CCDC13: variants seen among roughly 807,000 people sequenced by gnomAD.
The protein encoded by CCDC13 is coiled-coil domain-containing protein 13.
In CCDC13, 70 loss-of-function variants were observed where a neutral mutation model predicts 87.3. The ratio of observed to expected loss-of-function variants is 0.80; its 90% CI spans 0.66 to 0.98. The LOEUF (loss-of-function observed/expected upper bound fraction) is 0.98. CCDC13 is among the 50% of genes least tolerant of loss of function. CCDC13 has a pLI of 0.00. For missense variants in CCDC13, 842 were observed against 892.0 expected, an observed-to-expected ratio of 0.94 and a Z score of 0.71; for synonymous variants, 317 against 360.3, an observed-to-expected ratio of 0.88 and a Z score of 1.36.
At chr3:42,733,123 CTT>C (rs1378983423) in intron 11 of CCDC13, among the ~76,000 whole-genome samples, 153 bp from the exon 12 acceptor site, 2 of 152,268 alleles carry the variant, frequency 1.3e-5, no homozygotes, top group African/African-American at 2.4e-5. Context: ...TTCCAGAACT[CTT>C]GTTTGCTCAA....
intron 9 of CCDC13, among the ~76,000 whole-genome samples, chr3:42,737,077 C>T (rs1234771061): frequency 3.9e-5 from 6 of 152,038 alleles, no homozygotes; most frequent in Non-Finnish European, 7.4e-5. Context: ...CCCCACCCAC[C>T]GACAGGCCCT....
chr3:42,755,889 T>A (rs2125907910), intron 3 of CCDC13, among the ~76,000 whole-genome samples: 1 of 152,276 alleles, frequency 6.6e-6, no homozygotes, highest in African/African-American at 2.4e-5. Context: ...CTGGAGCCCA[T>A]CAGCTTCTCT....
intron 14 of CCDC13, among the ~76,000 whole-genome samples, chr3:42,711,727 C>T (rs1356855769): frequency 2.6e-5 from 4 of 152,200 alleles, no homozygotes; most frequent in African/African-American, 7.2e-5. Context: ...ATCTAGCCTC[C>T]TCATTTTACG....
intron 3 of CCDC13, among the ~76,000 whole-genome samples, chr3:42,754,405 C>T (rs894442282): frequency 6.6e-6 from 1 of 152,124 alleles, no homozygotes; most frequent in African/African-American, 2.4e-5. Flanking sequence ...ACCAAGATGG[C>T]ACACTTTGCT....
intron 13 of CCDC13, among the ~76,000 whole-genome samples, chr3:42,718,323 G>A (rs1657495188): frequency 6.6e-6 from 1 of 152,186 alleles, no homozygotes; most frequent in African/African-American, 2.4e-5. Flanking sequence ...AGATGCCACG[G>A]CAATGCCAGG....
chr3:42,743,600 TACAC>T (rs377644122), intron 7 of CCDC13, among the ~76,000 whole-genome samples: 3 of 125,776 alleles, frequency 2.4e-5, no homozygotes, highest in African/African-American at 7.2e-5. Context: ...TATATATATA[TACAC>T]ACACACATAT....
At chr3:42,769,676 C>T (rs959127891) in intron 1 of CCDC13, among the ~76,000 whole-genome samples, 2 of 152,244 alleles carry the variant, frequency 1.3e-5, no homozygotes, top group Non-Finnish European at 2.9e-5. Flanking sequence ...TGGCCAAGGC[C>T]GGAGCTGGCT....
chr3:42,735,732 A>T lies in CCDC13; in HGVS notation c.1346T>A (p.Met449Lys). ...GTGCACATTGAGTTGTCCGATCTCCATCTCCAGCTGTCGCACTTTGGCCTC... is the reference window on the plus strand; with the variant it reads ...GTGCACATTGAGTTGTCCGATCTCCTTCTCCAGCTGTCGCACTTTGGCCTC... ...EREAKVRQLE[M>K]EIGQLNVHYL... Residue 449 changes from methionine (M) to lysine (K), a missense_variant, in exon 10 of 16, where the codon ATG becomes AAG. Physicochemically the swap from Met to Lys is moderately conservative, Grantham distance 95. Transcript: ENST00000310232. 9 of 1,614,196 alleles carry T rather than the reference A, an allele frequency of 5.6e-6. No individual in the cohort carries two copies. Among genetic ancestry groups the T allele is most frequent in the Non-Finnish European group, 6.8e-6 (8 of 1,180,036 alleles).
At chr3:42,704,685 G>A (rs1018429841), downstream of CCDC13, 1 of 152,428 alleles carries the variant, frequency 6.6e-6, no homozygotes, top group African/African-American at 2.4e-5. Context: ...GAAGTCCCAT[G>A]GATCTGTGGT....
intron 3 of CCDC13, among the ~76,000 whole-genome samples, chr3:42,755,051 T>C (rs1411611643): frequency 1.3e-5 from 2 of 152,074 alleles, no homozygotes; most frequent in Non-Finnish European, 2.9e-5. Context: ...TATATAGATA[T>C]AATACATATA....
chr3:42,752,829 T>C (rs1019412755), intron 3 of CCDC13, 112 bp from the exon 4 acceptor site: 4 of 1,362,690 alleles, frequency 2.9e-6, no homozygotes, highest in Non-Finnish European at 3.0e-6. Flanking sequence ...TTGGCATGAA[T>C]GCTCATAAAG....
At position 42,733,488 on chromosome 3, in the gene CCDC13, C is replaced by A; in HGVS notation, c.1493G>T (p.Gly498Val). 3.7e-6 allele frequency: 6 copies of A among 1,614,166 alleles called. 1 individual carries two copies. The South Asian group carries it at 4.4e-5, about 12-fold the overall frequency. ...KSPASAGDHV[G>V]RLGSSRSVTS... ...TTCTTACCGAGAAGATCCAAGCCTG[C>A]CAACATGATCGCCTGCTGAGGCCGG... Residue 498 changes from glycine to valine, a missense_variant, in exon 11 of 16, where the codon GGC becomes GTC. Coordinates refer to ENST00000310232, the MANE Select transcript of CCDC13 (RefSeq NM_144719.4).
chr3:42,721,784 T>C (rs765218344), intron 13 of CCDC13, among the ~76,000 whole-genome samples: 8 of 152,362 alleles, frequency 5.3e-5, no homozygotes, highest in Non-Finnish European at 1.0e-4. Flanking sequence ...GTGCTTTCCT[T>C]TAAGGAATCA....
chr3:42,765,548 G>C (rs1008186937), intron 1 of CCDC13, among the ~76,000 whole-genome samples: 2 of 152,202 alleles, frequency 1.3e-5, no homozygotes, highest in Non-Finnish European at 2.9e-5. Context: ...TGGGACTACA[G>C]GCATGCACCA....
intron 1 of CCDC13, among the ~76,000 whole-genome samples, chr3:42,759,870 T>G (rs1699791007): frequency 6.6e-6 from 1 of 152,222 alleles, no homozygotes; most frequent in East Asian, 1.9e-4. Flanking sequence ...CATAAGAAAC[T>G]GCTAAACTGT....
At chr3:42,735,950 A>G in intron 9 of CCDC13, 37 bp from the exon 10 acceptor site, 1 of 1,588,370 alleles carries the variant, frequency 6.3e-7, no homozygotes, top group South Asian at 1.1e-5. Context: ...GGAGTCAGTC[A>G]TGGCCCTTTG....
chr3:42,729,709 T>TG (rs1401956774), intron 13 of CCDC13, among the ~76,000 whole-genome samples: 2 of 152,264 alleles, frequency 1.3e-5, no homozygotes, highest in African/African-American at 4.8e-5. Context: ...GCTCCTCTCC[T>TG]GCTCTCTGCA....
Position 42,707,991 on chromosome 3 carries a change from C to G in CCDC13, c.*989G>C, listed in dbSNP as rs1698214972. On this transcript the variant is annotated 3_prime_UTR_variant, in exon 16 of 16. Coordinates refer to ENST00000310232, the MANE Select transcript of CCDC13 (RefSeq NM_144719.4). ...GGATCTTAGGGTGCCCCTGCAGCAT[C>G]CCTCCAAGTTCACCATGGCGAGGGA... is the stretch of plus-strand genomic sequence containing the variant. Among the ~76,000 whole-genome samples, 1 of 152,174 alleles carries G rather than the reference C, an allele frequency of 6.6e-6. No homozygotes were observed. The highest frequency in any genetic ancestry group is 1.5e-5 in the Non-Finnish European group (1 of 68,008).
Position 42,716,241 on chromosome 3 carries a change from CA to C in CCDC13, c.1719-2926del, listed in dbSNP as rs879625891. ...AAAAAGGTTGTCAAAGATCTACCTCCAAAAAAAAAAAAATCAGGTCAAGCCA... is the reference window on the plus strand; with the variant it reads ...AAAAAGGTTGTCAAAGATCTACCTCCAAAAAAAAAAAATCAGGTCAAGCCA... On this transcript the variant is annotated intron_variant, in intron 13 of 15. Coordinates refer to ENST00000310232, the MANE Select transcript of CCDC13 (RefSeq NM_144719.4). Among the ~76,000 whole-genome samples, 439 of 138,872 alleles carry C rather than the reference CA, an allele frequency of 3.2e-3. 2 individuals are homozygous for C. Among genetic ancestry groups the C allele is most frequent in the Non-Finnish European group, 3.3e-3 (211 of 63,278 alleles). The allele number at this position is 138,872 out of a possible 152,430, so 91.1% of individuals were successfully genotyped here. A position where few individuals can be genotyped will look rare whatever the true frequency, so the allele number is the denominator to read the frequency against.
Sources: allele counts gnomAD v4.1 joint callset (sites outside exome capture counted in the v4.1 genomes callset), GRCh38; gene constraint gnomAD v4.1.1; transcripts MANE v1.5; gene names NCBI Gene and HGNC (gene_info 2026-07-23, HGNC 2026-07-21).